Variants in ACOX3 observed in about 807,000 individuals in gnomAD.
ACOX3 encodes the protein peroxisomal acyl-coenzyme A oxidase 3.
Under a neutral mutation model 81.5 loss-of-function variants are expected in ACOX3, and 73 were observed. The observed-to-expected ratio is 0.90, with a 90% CI of 0.74 to 1.09. The LOEUF is 1.09. Among genes scored for constraint, ACOX3 ranks in the 50% least tolerant of loss-of-function variants. The probability of loss-of-function intolerance (pLI) is 0.00; values close to 1 mark genes in which losing one functional copy is unlikely to be tolerated. For missense variants in ACOX3, 947 were observed against 928.0 expected (o/e 1.02, Z -0.27); for synonymous variants, 387 against 375.1 (o/e 1.03, Z -0.37).
chr4:8,375,795 G>T (rs931970968), intron 14 of ACOX3, among the ~76,000 whole-genome samples: 2 of 152,220 alleles, frequency 1.3e-5, no homozygotes, highest in Non-Finnish European at 2.9e-5. Flanking sequence ...GCATTAGTCT[G>T]CTGAGGATAA....
At position 8,394,602 on chromosome 4, in the gene ACOX3, A is replaced by T; in HGVS notation, c.1179+18T>A. On this transcript the variant is annotated intron_variant, in intron 10 of 17. Transcript: ENST00000356406. This position sits in a 1 kb window ranked among gnomAD's most constrained non-coding sequence, Gnocchi z 5.9. Reference sequence around the variant, plus strand: ...TGAGATTTAAACGATGCTGCTGAGGAAGCAGACACCACCTCACCTGTCTGG... The same window carrying T: ...TGAGATTTAAACGATGCTGCTGAGGTAGCAGACACCACCTCACCTGTCTGG... The T allele has an allele frequency of 6.2e-7, 1 of 1,611,358 alleles. No individual in the cohort carries two copies. The highest frequency in any genetic ancestry group is 8.5e-7 in the Non-Finnish European group (1 of 1,178,532).
chr4:8,419,913 A>G lies in ACOX3; in HGVS notation c.-14-3378T>C, dbSNP rs1722750071. 1.3e-5 allele frequency among the ~76,000 whole-genome samples: 2 copies of G among 152,170 alleles called. No individual in the cohort carries two copies. The highest frequency in any genetic ancestry group is 2.4e-5 in the African/African-American group (1 of 41,440). ...TCTCCATGCGCCATAACCTCAGTAC[A>G]TTACCAAGTCCACAGTGCATCTCTA... On this transcript the variant is annotated intron_variant, in intron 1 of 17. Transcript: ENST00000356406. This position sits in a 1 kb window ranked among gnomAD's most constrained non-coding sequence, Gnocchi z 4.2.
chr4:8,426,899 C>A (rs1723545423), intron 1 of ACOX3, among the ~76,000 whole-genome samples: 1 of 152,158 alleles, frequency 6.6e-6, no homozygotes, highest in Non-Finnish European at 1.5e-5. Flanking sequence ...ATCGAAGGCA[C>A]CACTCCCGAG....
intron 7 of ACOX3, among the ~76,000 whole-genome samples, chr4:8,402,237 G>C (rs1168360017): frequency 6.6e-6 from 1 of 152,236 alleles, no homozygotes; most frequent in African/African-American, 2.4e-5. Flanking sequence ...GGAAACCTGG[G>C]TGACCTGGTG....
Position 8,406,071 on chromosome 4 carries a change from C to T in ACOX3, c.688-28G>A, listed in dbSNP as rs764495825. On this transcript the variant is annotated intron_variant, in intron 6 of 17. Transcript: ENST00000356406. This position sits in a 1 kb window ranked among gnomAD's most constrained non-coding sequence, Gnocchi z 5.6. ...ATACAAAGCCACAGAAAGCAGCAAACAGCAACTGTTACAATCACACAAAAA... is the reference window on the plus strand; with the variant it reads ...ATACAAAGCCACAGAAAGCAGCAAATAGCAACTGTTACAATCACACAAAAA... 6 of 1,600,402 alleles carry T rather than the reference C, an allele frequency of 3.7e-6. No individual in the cohort carries two copies. Among genetic ancestry groups the T allele is most frequent in the Middle Eastern group, 1.7e-4 (1 of 6,040 alleles).
chr4:8,393,637 GCA>G (rs10576121), intron 10 of ACOX3, among the ~76,000 whole-genome samples: 3,320 of 144,400 alleles, frequency 0.023, 81 homozygotes, highest in African/African-American at 0.063. Flanking sequence ...ACACACACAC[GCA>G]CACACACACA....
At chr4:8,438,771 G>C (rs551198923) in intron 1 of ACOX3, 4 of 152,314 alleles carry the variant, frequency 2.6e-5, no homozygotes, top group Admixed American at 6.5e-5. Context: ...GCTGTTAAAA[G>C]TTGCAGGTGT....
In ACOX3 at chr4:8,426,714, G is replaced by A. The variant is rs181381022; in HGVS notation, c.-14-10179C>T. On this transcript the variant is annotated intron_variant, in intron 1 of 17. Transcript: ENST00000356406. ...CCACACCCATATGCCCCTGCACTTC[G>A]GGCCACACATTTCAATCCCTGTATC... 5.9e-3 allele frequency among the ~76,000 whole-genome samples: 902 copies of A among 152,050 alleles called. 2 individuals are homozygous for A. Among genetic ancestry groups the A allele is most frequent in the Non-Finnish European group, 9.1e-3 (620 of 67,998 alleles).
intron 16 of ACOX3, 134 bp from the exon 17 acceptor site, chr4:8,371,128 C>T (rs2108786734): frequency 5.5e-6 from 4 of 721,804 alleles, no homozygotes; most frequent in Middle Eastern, 2.5e-4. Flanking sequence ...GGCTCTGCTG[C>T]CCATGCGTGA....
chr4:8,412,341 C>T (rs78890614), intron 5 of ACOX3, among the ~76,000 whole-genome samples: 8,508 of 152,310 alleles, frequency 0.056, 410 homozygotes, highest in African/African-American at 0.13. Flanking sequence ...TGAGTTCATT[C>T]CTGGGCTCTT....
chr4:8,439,888 G>A (rs1467800024), intron 1 of ACOX3, among the ~76,000 whole-genome samples: 1 of 152,080 alleles, frequency 6.6e-6, no homozygotes, highest in Non-Finnish European at 1.5e-5. Flanking sequence ...CTGCCACCTT[G>A]CCTAGTTCAT....
Position 8,440,662 on chromosome 4 carries a change from G to A in ACOX3, c.-29C>T. On this transcript the variant is annotated 5_prime_UTR_variant, in exon 1 of 18. Coordinates refer to ENST00000356406, the MANE Select transcript of ACOX3 (RefSeq NM_003501.3). ...AAATTCCTCACCCACACACTCCACAGTTCAACCCCTGCCAGGGAAACCAAA... is the reference window on the plus strand; with the variant it reads ...AAATTCCTCACCCACACACTCCACAATTCAACCCCTGCCAGGGAAACCAAA... The A allele has an allele frequency of 1.1e-6, 1 of 901,366 alleles. No individual in the cohort carries two copies. The highest frequency in any genetic ancestry group is 2.1e-5 in the South Asian group (1 of 48,438). The allele number at this position is 901,366 out of a possible 1,614,324, so 55.8% of individuals were successfully genotyped here. A position where few individuals can be genotyped will look rare whatever the true frequency, so the allele number is the denominator to read the frequency against.
rs1364867470 is a variant in ACOX3, at chr4:8,405,866, C to T, written c.776+89G>A. On this transcript the variant is annotated intron_variant, in intron 7 of 17. Transcript: ENST00000356406. This position sits in a 1 kb window ranked among gnomAD's most constrained non-coding sequence, Gnocchi z 7.1. ...AGTCTAAGAGGGCAGGGCATGGCAT[C>T]CATGGGGCCAGTGAGATCTCAGACA... is the stretch of plus-strand genomic sequence containing the variant. 1 of 1,308,120 alleles carries T rather than the reference C, an allele frequency of 7.6e-7. No individual in the cohort carries two copies. The highest frequency in any genetic ancestry group is 1.1e-6 in the Non-Finnish European group (1 of 904,250). The allele number at this position is 1,308,120 out of a possible 1,614,324, so 81.0% of individuals were successfully genotyped here. A position where few individuals can be genotyped will look rare whatever the true frequency, so the allele number is the denominator to read the frequency against.
chr4:8,430,485 C>T lies in ACOX3; in HGVS notation c.-15+10163G>A, dbSNP rs547824435. On this transcript the variant is annotated intron_variant, in intron 1 of 17. Coordinates refer to ENST00000356406, the MANE Select transcript of ACOX3 (RefSeq NM_003501.3). The surrounding 1 kb of genome is among the most constrained non-coding windows in gnomAD (Gnocchi z 5.2). ...AAATAACCATTTATTGCAGAACTCA[C>T]ACCTCCTTTAGGTCACAATTTCTGC... is the stretch of plus-strand genomic sequence containing the variant. Among the ~76,000 whole-genome samples the T allele has an allele frequency of 6.6e-6, 1 of 152,376 alleles. No individual in the cohort carries two copies. The highest frequency in any genetic ancestry group is 1.9e-4 in the East Asian group (1 of 5,190).
chr4:8,387,329 G>A (rs1718433409), intron 13 of ACOX3, among the ~76,000 whole-genome samples: 2 of 152,240 alleles, frequency 1.3e-5, no homozygotes, highest in African/African-American at 2.4e-5. Flanking sequence ...GCCAGCAGGA[G>A]GAGGGACCGG....
chr4:8,433,671 A>G (rs949667686), intron 1 of ACOX3, among the ~76,000 whole-genome samples: 3 of 152,222 alleles, frequency 2.0e-5, no homozygotes, highest in Non-Finnish European at 2.9e-5. Flanking sequence ...CTGTGCTTTT[A>G]TCTCTAATAA....
chr4:8,410,575 A>G (rs971149277), intron 5 of ACOX3, among the ~76,000 whole-genome samples: 1 of 152,140 alleles, frequency 6.6e-6, no homozygotes, highest in African/African-American at 2.4e-5. Context: ...CAGATGCAAA[A>G]TACTCCGCAG....
In ACOX3 at chr4:8,366,600, C is replaced by T. The variant is rs1340372669; in HGVS notation, c.*361G>A. The stretch of plus-strand genomic sequence containing the variant: ...CTCGGTAAAAAATCTAGATGAATCA[C>T]AGGTTGTCTGACCAGAAGATCCCTG... On this transcript the variant is annotated 3_prime_UTR_variant, in exon 18 of 18. Transcript: ENST00000356406. The T allele has an allele frequency of 3.4e-5, 6 of 176,034 alleles. No individual in the cohort carries two copies. Among genetic ancestry groups the T allele is most frequent in the Non-Finnish European group, 7.3e-5 (6 of 82,626 alleles). 10.9% of individuals were successfully genotyped at this position (176,034 alleles called of 1,614,324 possible).
chr4:8,417,983 C>G (rs1049883975), intron 1 of ACOX3, among the ~76,000 whole-genome samples: 4 of 152,174 alleles, frequency 2.6e-5, no homozygotes, highest in African/African-American at 9.7e-5. Context: ...ACAAAACTGC[C>G]TTATGAAAAA....
Sources: allele counts gnomAD v4.1 joint callset (sites outside exome capture counted in the v4.1 genomes callset), GRCh38; gene constraint gnomAD v4.1.1; non-coding constraint Gnocchi (gnomAD v3.1); transcripts MANE v1.5; gene names NCBI Gene and HGNC (gene_info 2026-07-23, HGNC 2026-07-21).